The following TOM1L2 variants were observed in gnomAD, a reference collection of about 807,000 sequenced individuals.
TOM1L2 encodes TOM1-like protein 2.
Under a neutral mutation model 67.9 loss-of-function variants are expected in TOM1L2, and 31 were observed. The observed-to-expected ratio is 0.46, with a 90% confidence interval of 0.34 to 0.62. The LOEUF (loss-of-function observed/expected upper bound fraction) is 0.62, where lower values mean the gene tolerates loss of function less well. Ranked by LOEUF, TOM1L2 falls within the 20% of genes least tolerant of loss-of-function variation. TOM1L2 has a pLI of 0.01. For synonymous variants in TOM1L2, 256 were observed against 254.0 expected, an observed-to-expected ratio of 1.01 and a Z score of -0.07; for missense variants, 606 against 663.5, an observed-to-expected ratio of 0.91 and a Z score of 0.95.
rs1217535103 is a variant in TOM1L2, at chr17:17,884,757, AT to A, written c.377del (p.Asp126ValfsTer19). 6.2e-7 allele frequency: 1 copy of A among 1,613,374 alleles called. No individual in the cohort carries two copies. Among genetic ancestry groups the A allele is most frequent in the Non-Finnish European group, 8.5e-7 (1 of 1,180,030 alleles). ...KVLALIQAWA[D>X]AFRSSPDLTG... ...TGAGATCAGGACTGCTTCGAAAGGC[AT>A]CAGCCCATGCCTGGGATAATAGAAG... On this transcript the variant is annotated frameshift_variant, in exon 5 of 15. Coordinates refer to ENST00000379504, the MANE Select transcript of TOM1L2 (RefSeq NM_001082968.2). LOFTEE classifies it high-confidence loss of function.
intron 1 of TOM1L2, among the ~76,000 whole-genome samples, chr17:17,919,406 C>T (rs991363422): frequency 6.6e-6 from 1 of 152,178 alleles, no homozygotes; most frequent in Admixed American, 6.5e-5. Flanking sequence ...CTACACCCAT[C>T]AGATTCAAAA....
At chr17:17,961,871 C>CA (rs530184569) in intron 1 of TOM1L2, among the ~76,000 whole-genome samples, 59,220 of 114,994 alleles carry the variant, frequency 0.51, 13,715 homozygotes, top group East Asian at 0.85. Flanking sequence ...GACTCCGTCT[C>CA]AAAAAAAAAA....
intron 12 of TOM1L2, among the ~76,000 whole-genome samples, chr17:17,857,398 G>A (rs183149098): frequency 3.3e-5 from 5 of 152,320 alleles, no homozygotes; most frequent in East Asian, 3.9e-4. Context: ...GATGCTTTGA[G>A]TCTGTTCCCT....
Position 17,847,278 on chromosome 17 carries a change from C to T in TOM1L2, c.*357G>A, listed in dbSNP as rs987718115. ...GGCAGAGGTGAGCACAGGGCGGGGC[C>T]GGGCGTGCTCTTTCTCCATGGGCGG... On this transcript the variant is annotated 3_prime_UTR_variant, in exon 15 of 15. Coordinates refer to ENST00000379504, the MANE Select transcript of TOM1L2 (RefSeq NM_001082968.2). The T allele has an allele frequency of 1.7e-5, 5 of 292,192 alleles. No individual in the cohort carries two copies. Among genetic ancestry groups the T allele is most frequent in the Non-Finnish European group, 2.6e-5 (4 of 154,316 alleles). 18.1% of individuals were successfully genotyped at this position (292,192 alleles called of 1,614,324 possible).
At position 17,917,839 on chromosome 17, in the gene TOM1L2, C is replaced by G. The variant is rs760633519; in HGVS notation, c.53-10308G>C. Among the ~76,000 whole-genome samples, 82 of 152,060 alleles carry G rather than the reference C, an allele frequency of 5.4e-4. No homozygotes were observed. The Middle Eastern group carries it at 0.01, about 19-fold the overall frequency. ...GAGTGGTGGCTTACACCTGTCATTT[C>G]ATCTACTCAGGAGGCTAAGGTGGGA... On this transcript the variant is annotated intron_variant, in intron 1 of 14. Coordinates refer to ENST00000379504, the MANE Select transcript of TOM1L2 (RefSeq NM_001082968.2).
In TOM1L2 at chr17:17,866,431, T is replaced by C. The variant is rs1367049952; in HGVS notation, c.961-12A>G. The C allele has an allele frequency of 6.3e-7, 1 of 1,585,356 alleles. No homozygotes were observed. The highest frequency in any genetic ancestry group is 1.1e-5 in the South Asian group (1 of 87,606). ...ACTTCATTCAGTACCTGTCAGAACA[T>C]GAGATTGGCCATAAGCCCCAGAACC... On this transcript the variant is annotated splice_polypyrimidine_tract_variant and intron_variant, in intron 9 of 14. Coordinates refer to ENST00000379504, the MANE Select transcript of TOM1L2 (RefSeq NM_001082968.2).
intron 1 of TOM1L2, among the ~76,000 whole-genome samples, chr17:17,955,928 G>A (rs994401716): frequency 6.6e-6 from 1 of 152,150 alleles, no homozygotes; most frequent in Non-Finnish European, 1.5e-5. Context: ...GTCTGAAGTT[G>A]TTCGCTCCTA....
chr17:17,931,387 C>G (rs1388532323), intron 1 of TOM1L2, among the ~76,000 whole-genome samples: 1 of 152,154 alleles, frequency 6.6e-6, no homozygotes, highest in East Asian at 1.9e-4. Flanking sequence ...ACCAATTGAG[C>G]TCAAATCTGA....
In TOM1L2 at chr17:17,893,381, C is replaced by T. The variant is rs1169800829; in HGVS notation, c.366+280G>A. Among the ~76,000 whole-genome samples the T allele has an allele frequency of 3.9e-5, 6 of 152,234 alleles. No individual in the cohort carries two copies. In the South Asian group the frequency reaches 1.2e-3, roughly 32 times the overall value. On this transcript the variant is annotated intron_variant, in intron 4 of 14. Transcript: ENST00000379504. Reference sequence around the variant, plus strand: ...CATGGTTCTTCCTACTCCAAGTTTTCTCAGAGGCCTGTTGAGGCCACCCTA... The same window carrying T: ...CATGGTTCTTCCTACTCCAAGTTTTTTCAGAGGCCTGTTGAGGCCACCCTA...
intron 3 of TOM1L2, among the ~76,000 whole-genome samples, chr17:17,895,617 T>C (rs2038529385): frequency 6.6e-6 from 1 of 152,176 alleles, no homozygotes; most frequent in Admixed American, 6.5e-5. Context: ...GTACAAATTG[T>C]CAGTCAGTGC....
chr17:17,925,840 G>C (rs1233278489), intron 1 of TOM1L2, among the ~76,000 whole-genome samples: 1 of 147,100 alleles, frequency 6.8e-6, no homozygotes, highest in African/African-American at 2.5e-5. Flanking sequence ...GGGTGACACA[G>C]TGAGACCCTG....
chr17:17,863,355 C>G (rs2036664943), intron 10 of TOM1L2: 1 of 155,922 alleles, frequency 6.4e-6, no homozygotes. Context: ...CTTGAGACAT[C>G]AGGAAAGACT....
rs2035664297 is a variant in TOM1L2, at chr17:17,846,769, AG to A, written c.*865del. On this transcript the variant is annotated 3_prime_UTR_variant, in exon 15 of 15. Transcript: ENST00000379504. ...ATGTGCACATCTGTGACACTTCCCC[AG>A]GCAAGCCAGAGCAATACCTCCAGTG... 1 of 152,456 alleles carries A rather than the reference AG, an allele frequency of 6.6e-6. No individual in the cohort carries two copies. The highest frequency in any genetic ancestry group is 6.5e-5 in the Admixed American group (1 of 15,284). The allele number at this position is 152,456 out of a possible 1,614,324, so 9.4% of individuals were successfully genotyped here. A position where few individuals can be genotyped will look rare whatever the true frequency, so the allele number is the denominator to read the frequency against.
chr17:17,898,634 C>T lies in TOM1L2; in HGVS notation c.178G>A (p.Gly60Arg), dbSNP rs748480864. Reference sequence around the variant, plus strand: ...ATCACCTCTCTGTAGTTCCGGTTCCCGTTGAGCCGCTTCTTCAGGGCTCGA... The same window carrying T: ...ATCACCTCTCTGTAGTTCCGGTTCCTGTTGAGCCGCTTCTTCAGGGCTCGA... Reference protein sequence around the residue: ...AIRALKKRLNGNRNYREVMLA... With the variant: ...AIRALKKRLNRNRNYREVMLA... The change falls in exon 3 of 15, where the codon GGG (glycine) becomes AGG (arginine). Residue 60 changes from glycine to arginine, a missense_variant. Coordinates refer to ENST00000379504, the MANE Select transcript of TOM1L2 (RefSeq NM_001082968.2). 3.2e-5 allele frequency: 51 copies of T among 1,614,088 alleles called. No individual in the cohort carries two copies. Among genetic ancestry groups the T allele is most frequent in the African/African-American group, 6.7e-5 (5 of 74,922 alleles).
At chr17:17,921,974 A>T (rs1183502572) in intron 1 of TOM1L2, among the ~76,000 whole-genome samples, 2 of 152,054 alleles carry the variant, frequency 1.3e-5, no homozygotes, top group African/African-American at 4.8e-5. Context: ...GCTTCTCCCG[A>T]TGACAGAGAC....
At chr17:17,962,926 A>C (rs1288071505) in intron 1 of TOM1L2, among the ~76,000 whole-genome samples, 1 of 151,342 alleles carries the variant, frequency 6.6e-6, no homozygotes, top group Non-Finnish European at 1.5e-5. Context: ...GTGCCACTGC[A>C]CTCCAGCCTG....
At chr17:17,908,505 C>A in intron 1 of TOM1L2, among the ~76,000 whole-genome samples, 1 of 152,026 alleles carries the variant, frequency 6.6e-6, no homozygotes, top group Non-Finnish European at 1.5e-5. Flanking sequence ...AGTGAACCTG[C>A]AGAGGAAGAA....
chr17:17,932,750 C>T (rs183815207), intron 1 of TOM1L2, among the ~76,000 whole-genome samples: 1 of 152,074 alleles, frequency 6.6e-6, no homozygotes, highest in Non-Finnish European at 1.5e-5. Flanking sequence ...GGAGTTAATA[C>T]TATTAATAAA....
chr17:17,970,731 A>T (rs962263156), intron 1 of TOM1L2, among the ~76,000 whole-genome samples: 2 of 152,228 alleles, frequency 1.3e-5, no homozygotes, highest in Non-Finnish European at 2.9e-5. Context: ...AGCCAACAGG[A>T]GAGACCTCAA....
Sources: allele counts gnomAD v4.1 joint callset (sites outside exome capture counted in the v4.1 genomes callset), GRCh38; gene constraint gnomAD v4.1.1; transcripts MANE v1.5; gene names NCBI Gene and HGNC (gene_info 2026-07-23, HGNC 2026-07-21).